The following BRSK2 variants were observed in gnomAD, a reference collection of about 807,000 sequenced individuals.
The protein encoded by BRSK2 is serine/threonine-protein kinase BRSK2.
Under a neutral mutation model 83.3 loss-of-function variants are expected in BRSK2, and 19 were observed. The ratio of observed to expected loss-of-function variants is 0.23; its 90% CI spans 0.16 to 0.33. The LOEUF (loss-of-function observed/expected upper bound fraction) is 0.33. BRSK2 is among the 10% of genes least tolerant of loss of function. The pLI is 1.00. For missense variants in BRSK2, 798 were observed against 1,042.3 expected, an observed-to-expected ratio of 0.77 and a Z score of 3.23; for synonymous variants, 519 against 435.4, an observed-to-expected ratio of 1.19 and a Z score of -2.39.
At chr11:1,459,828 C>T (rs1490020001) in intron 19 of BRSK2, among the ~76,000 whole-genome samples, 2 of 152,198 alleles carry the variant, frequency 1.3e-5, no homozygotes, top group African/African-American at 4.8e-5. Flanking sequence ...CCCACATCCA[C>T]CCCTCCATGC....
At chr11:1,411,323 T>TGGGGCCGGAGCA (rs1194292052) in intron 1 of BRSK2, 13 of 1,357,540 alleles carry the variant, frequency 9.6e-6, no homozygotes, top group Non-Finnish European at 1.2e-5. Context: ...GTCCTGAAGC[T>TGGGGCCGGAGCA]GGGGCCGGAG....
chr11:1,390,340 A>G lies in BRSK2; in HGVS notation c.56A>G (p.Tyr19Cys). ...CAGCACGCGCAGTATGTTGGGCCCT[A>G]CCGGCTGGAGAAGACGCTGGGCAAG... is the stretch of plus-strand genomic sequence containing the variant. Reference protein sequence around the residue: ...GAQHAQYVGPYRLEKTLGKGQ... With the variant: ...GAQHAQYVGPCRLEKTLGKGQ... Residue 19 changes from tyrosine (Y) to cysteine (C), a missense_variant, in exon 1 of 20, where the codon TAC (tyrosine) becomes TGC (cysteine). Physicochemically the swap from Tyr to Cys is radical, Grantham distance 194 (BLOSUM62 -2). This residue lies in a region of BRSK2 where 33 missense variants were observed against 30.8 expected (regional missense o/e 1.07). Coordinates refer to ENST00000528841, the MANE Select transcript of BRSK2 (RefSeq NM_001256627.2). The surrounding 1 kb of genome is among the most constrained non-coding windows in gnomAD (Gnocchi z 6.8). 1.9e-6 allele frequency: 2 copies of G among 1,038,184 alleles called. No individual in the cohort carries two copies. The highest frequency in any genetic ancestry group is 8.0e-5 in the East Asian group (1 of 12,476). The allele number at this position is 1,038,184 out of a possible 1,614,324, so 64.3% of individuals were successfully genotyped here.
At chr11:1,425,999 G>A (rs1025543773) in intron 1 of BRSK2, among the ~76,000 whole-genome samples, 3 of 152,206 alleles carry the variant, frequency 2.0e-5, no homozygotes, top group Non-Finnish European at 4.4e-5. Context: ...GTGCCACGGT[G>A]AGCACACCTC....
At chr11:1,415,834 G>A (rs954841246) in intron 1 of BRSK2, among the ~76,000 whole-genome samples, 5 of 152,244 alleles carry the variant, frequency 3.3e-5, no homozygotes, top group South Asian at 2.1e-4. Context: ...TCTGTTGCAC[G>A]GGCTCCACCA....
chr11:1,448,353 C>T (rs1852469854), intron 12 of BRSK2, among the ~76,000 whole-genome samples: 1 of 152,182 alleles, frequency 6.6e-6, no homozygotes, highest in Non-Finnish European at 1.5e-5. Context: ...AGTGTGCTGG[C>T]TGCCGGTCGG....
chr11:1,400,748 C>T lies in BRSK2; in HGVS notation c.91+10373C>T, dbSNP rs952240905. Reference sequence around the variant, plus strand: ...TGGGGGCAGGTAGTGGAGGACCTGCCGGCTCTGCCTGGGCCCTGCGGCCAC... The same window carrying T: ...TGGGGGCAGGTAGTGGAGGACCTGCTGGCTCTGCCTGGGCCCTGCGGCCAC... On this transcript the variant is annotated intron_variant, in intron 1 of 19. Coordinates refer to ENST00000528841, the MANE Select transcript of BRSK2 (RefSeq NM_001256627.2). 7.2e-5 allele frequency among the ~76,000 whole-genome samples: 11 copies of T among 152,270 alleles called. No individual in the cohort carries two copies. In the South Asian group the frequency reaches 8.3e-4, roughly 11 times the overall value.
At chr11:1,459,458 C>G in intron 19 of BRSK2, 1 of 587,960 alleles carries the variant, frequency 1.7e-6, no homozygotes, top group South Asian at 1.9e-5. Flanking sequence ...GCCAGACTCA[C>G]CTCTGCCAGG....
chr11:1,392,077 C>T (rs145802224), intron 1 of BRSK2, among the ~76,000 whole-genome samples: 510 of 152,290 alleles, frequency 3.3e-3, no homozygotes, highest in African/African-American at 0.012. Flanking sequence ...AGAGCGCAAG[C>T]GTGTCACCGG....
chr11:1,403,455 G>A (rs370285044), intron 1 of BRSK2, among the ~76,000 whole-genome samples: 3 of 152,314 alleles, frequency 2.0e-5, no homozygotes, highest in East Asian at 3.9e-4. Flanking sequence ...GGGGCCCTGC[G>A]CTCCTGGTCT....
chr11:1,400,135 T>A (rs1428544898), intron 1 of BRSK2, among the ~76,000 whole-genome samples: 31 of 152,214 alleles, frequency 2.0e-4, no homozygotes, highest in Non-Finnish European at 1.5e-5. Context: ...ATTTTAACTT[T>A]AAAAGAACAT....
chr11:1,455,444 C>T, intron 16 of BRSK2, among the ~76,000 whole-genome samples: 1 of 151,982 alleles, frequency 6.6e-6, no homozygotes, highest in East Asian at 1.9e-4. Context: ...GGCAGCCTCT[C>T]TAGCTAGGGA....
In BRSK2 at chr11:1,442,231, G is replaced by A. The variant is rs116361422; in HGVS notation, c.414-259G>A. ...AGAGCAGGTGTGCTAGGGAGCAGGAGGGGGCAGGAAGGAGCCTGCCAGGGT... is the reference window on the plus strand; with the variant it reads ...AGAGCAGGTGTGCTAGGGAGCAGGAAGGGGCAGGAAGGAGCCTGCCAGGGT... On this transcript the variant is annotated intron_variant, in intron 4 of 19. Coordinates refer to ENST00000528841, the MANE Select transcript of BRSK2 (RefSeq NM_001256627.2). Among the ~76,000 whole-genome samples the A allele has an allele frequency of 8.1e-3, 1,238 of 152,092 alleles. 19 individuals are homozygous for A. The highest frequency in any genetic ancestry group is 0.028 in the African/African-American group (1,178 of 41,500).
intron 1 of BRSK2, among the ~76,000 whole-genome samples, chr11:1,398,516 G>A (rs1178055564): frequency 2.2e-4 from 34 of 152,262 alleles, no homozygotes; most frequent in East Asian, 1.9e-4. Context: ...CCCCAAAGCT[G>A]GGTTCTCAGA....
chr11:1,444,730 TC>T (rs1368204507), intron 8 of BRSK2, among the ~76,000 whole-genome samples: 1 of 146,686 alleles, frequency 6.8e-6, no homozygotes, highest in Non-Finnish European at 1.5e-5. Context: ...CCGACTTCTC[TC>T]CTCCTTGAGG....
At chr11:1,444,420 G>A (rs1442306847) in intron 8 of BRSK2, among the ~76,000 whole-genome samples, 4 of 152,168 alleles carry the variant, frequency 2.6e-5, no homozygotes, top group Non-Finnish European at 5.9e-5. Context: ...CCCACGAGCT[G>A]TCCCTGAGTC....
intron 1 of BRSK2, among the ~76,000 whole-genome samples, chr11:1,407,966 AC>A (rs1468942925): frequency 5.3e-5 from 8 of 152,104 alleles, no homozygotes; most frequent in Non-Finnish European, 4.4e-5. Context: ...AGCTGAGCCC[AC>A]CTGCCCTGCA....
intron 18 of BRSK2, among the ~76,000 whole-genome samples, chr11:1,457,627 G>A (rs1846773309): frequency 1.3e-5 from 2 of 152,084 alleles, no homozygotes; most frequent in African/African-American, 4.8e-5. Context: ...GGCGTCGTGG[G>A]GGAGCACCCG....
rs1236945159 is a variant in BRSK2, at chr11:1,456,684, T to TC, written c.1937dup (p.Asp647ArgfsTer4). The TC allele has an allele frequency of 6.2e-7, 1 of 1,600,006 alleles. No individual in the cohort carries two copies. The highest frequency in any genetic ancestry group is 8.5e-7 in the Non-Finnish European group (1 of 1,174,728). ...CGACCCGCCTGCGGCCCAGCACTTG[T>TC]CAGGTGAGGCGGGCTCAGCTCCGGC... On this transcript the variant is annotated frameshift_variant, in exon 18 of 20. Coordinates refer to ENST00000528841, the MANE Select transcript of BRSK2 (RefSeq NM_001256627.2). LOFTEE classifies it high-confidence loss of function.
rs1319064580 is a variant in BRSK2 at position 1,462,166 on chromosome 11, CCAGGGCGCAGCCCTCAGAGGGCT to C, written c.*1444_*1466del. On this transcript the variant is annotated 3_prime_UTR_variant, in exon 20 of 20. Transcript: ENST00000528841. ...CAGGGCGTTCTGTGCAGAGCGAGGCCCAGGGCGCAGCCCTCAGAGGGCTGCAGGCCCACCCTGCCCAGTGCCCG... is the reference window on the plus strand; with the variant it reads ...CAGGGCGTTCTGTGCAGAGCGAGGCCGCAGGCCCACCCTGCCCAGTGCCCG... The C allele has an allele frequency of 2.0e-5, 3 of 152,228 alleles. No individual in the cohort carries two copies. The highest frequency in any genetic ancestry group is 4.4e-5 in the Non-Finnish European group (3 of 68,054). The allele number at this position is 152,228 out of a possible 1,614,324, so 9.4% of individuals were successfully genotyped here. A position where few individuals can be genotyped will look rare whatever the true frequency, so the allele number is the denominator to read the frequency against.
Sources: allele counts gnomAD v4.1 joint callset (sites outside exome capture counted in the v4.1 genomes callset), GRCh38; gene constraint gnomAD v4.1.1; regional missense constraint gnomAD v4.1.1; non-coding constraint Gnocchi (gnomAD v3.1); transcripts MANE v1.5; gene names NCBI Gene and HGNC (gene_info 2026-07-23, HGNC 2026-07-21).